C16orf90: variants seen among roughly 807,000 people sequenced by gnomAD.
C16orf90 encodes the protein uncharacterized protein C16orf90.
A neutral mutation model predicts 17.1 loss-of-function variants in C16orf90; 17 were observed. The ratio of observed to expected loss-of-function variants is 1.00; its 90% confidence interval spans 0.68 to 1.49. C16orf90 has a LOEUF of 1.49. C16orf90 is among the 40% of genes most tolerant of loss of function. C16orf90 has a pLI of 0.00. For synonymous variants in C16orf90, 108 were observed against 95.8 expected, an observed-to-expected ratio of 1.13 and a Z score of -0.75; for missense variants, 255 against 235.5, an observed-to-expected ratio of 1.08 and a Z score of -0.54.
chr16:3,495,936 C>T (rs1401782404), upstream of C16orf90, among the ~76,000 whole-genome samples: 2 of 152,018 alleles, frequency 1.3e-5, no homozygotes, highest in African/African-American at 2.4e-5. Flanking sequence ...GTCAGGAGAT[C>T]GAGACCATCC....
At chr16:3,495,790 G>T (rs1340688249), upstream of C16orf90, among the ~76,000 whole-genome samples, 1 of 152,178 alleles carries the variant, frequency 6.6e-6, no homozygotes, top group Non-Finnish European at 1.5e-5. Context: ...GACCTAGGAA[G>T]ACCTAGGTCG....
upstream of C16orf90, chr16:3,496,422 C>A: frequency 9.9e-7 from 1 of 1,010,406 alleles, no homozygotes; most frequent in Non-Finnish European, 1.5e-6. Context: ...ATGAAGCTTC[C>A]TGGCTGGGAA....
Position 3,494,706 on chromosome 16 carries a change from G to T in C16orf90, c.218C>A (p.Pro73Gln). ...GCTCTCACACTGGCCAGTGGGTGGC[G>T]GGTGGCTCTCCAGGTAGAGGCCCAG... ...RGLGLYLESH[P>Q]PPTGQCESHW... Residue 73 changes from proline (P) to glutamine (Q), a missense_variant, in exon 2 of 3, where the codon CCG (proline) becomes CAG (glutamine). Physicochemically the swap from Pro to Gln is moderately conservative, Grantham distance 76. Coordinates refer to ENST00000437192, the MANE Select transcript of C16orf90 (RefSeq NM_001080524.2). 1 of 1,609,236 alleles carries T rather than the reference G, an allele frequency of 6.2e-7. No homozygotes were observed. Among genetic ancestry groups the T allele is most frequent in the Non-Finnish European group, 8.5e-7 (1 of 1,178,876 alleles).
Position 3,494,520 on chromosome 16 carries a change from T to A in C16orf90, c.400+4A>T, listed in dbSNP as rs773595223. Reference sequence around the variant, plus strand: ...GTGCCCAGTCCTGCCTTGACAGAGCTCACCACTGCTTCCCAGGCTGTCCCT... The same window carrying A: ...GTGCCCAGTCCTGCCTTGACAGAGCACACCACTGCTTCCCAGGCTGTCCCT... On this transcript the variant is annotated splice_donor_region_variant and intron_variant, in intron 2 of 2. Transcript: ENST00000437192. 3.1e-6 allele frequency: 5 copies of A among 1,611,920 alleles called. No homozygotes were observed. The highest frequency in any genetic ancestry group is 1.6e-4 in the Middle Eastern group (1 of 6,082).
rs1428719733 is a variant in C16orf90 at position 3,494,768 on chromosome 16, G to T, written c.156C>A (p.Ser52Arg). 3.7e-6 allele frequency: 6 copies of T among 1,600,212 alleles called. No homozygotes were observed. The highest frequency in any genetic ancestry group is 5.1e-6 in the Non-Finnish European group (6 of 1,174,152). The change falls in exon 2 of 3, where the codon AGC becomes AGA. Residue 52 changes from serine (S) to arginine (R), a missense_variant. Ser to Arg is a moderately radical substitution (Grantham distance 110). Transcript: ENST00000437192. ...PQPQCPSAQG[S>R]KPKNFRLRHL... The stretch of plus-strand genomic sequence containing the variant: ...GGCGCAGCCGGAAGTTCTTGGGCTT[G>T]CTTCCCTGGGCACTGGGGCACTGCG...
At chr16:3,494,265 G>A (rs924918287) in intron 2 of C16orf90, among the ~76,000 whole-genome samples, 3 of 152,180 alleles carry the variant, frequency 2.0e-5, no homozygotes, top group Non-Finnish European at 4.4e-5. Context: ...CCCTCACCGA[G>A]TGTGGAGCTG....
In C16orf90 at chr16:3,494,690, C is replaced by T; in HGVS notation, c.234G>A (p.Gln78=). 6.2e-7 allele frequency: 1 copy of T among 1,610,992 alleles called. No individual in the cohort carries two copies. Among genetic ancestry groups the T allele is most frequent in the East Asian group, 2.2e-5 (1 of 44,856 alleles). ...GCCGGCCCAGCCAGTGGCTCTCACA[C>T]TGGCCAGTGGGTGGCGGGTGGCTCT... is the stretch of plus-strand genomic sequence containing the variant. ...YLESHPPPTG[Q]CESHWLGRLM... Residue 78 remains glutamine (Q), a synonymous_variant, in exon 2 of 3, where the codon CAG becomes CAA. Coordinates refer to ENST00000437192, the MANE Select transcript of C16orf90 (RefSeq NM_001080524.2).
chr16:3,496,442 G>C, upstream of C16orf90: 1 of 1,005,642 alleles, frequency 9.9e-7, no homozygotes, highest in South Asian at 1.2e-5. Context: ...AAACAAAACG[G>C]CCGTGGTTGT....
At chr16:3,495,005 T>C (rs2037287965) in intron 1 of C16orf90, 128 bp from the exon 2 acceptor site, 3 of 715,306 alleles carry the variant, frequency 4.2e-6, no homozygotes, top group Middle Eastern at 8.0e-4. Flanking sequence ...GGCCTCAGTT[T>C]ACCTGTGTGT....
chr16:3,494,875 CATCTGCAGAGG>C lies in C16orf90; in HGVS notation c.47-9_48del. 1 of 1,514,962 alleles carries C rather than the reference CATCTGCAGAGG, an allele frequency of 6.6e-7. No homozygotes were observed. Among genetic ancestry groups the C allele is most frequent in the Non-Finnish European group, 8.8e-7 (1 of 1,138,040 alleles). 93.8% of individuals were successfully genotyped at this position (1,514,962 alleles called of 1,614,324 possible). A position where few individuals can be genotyped will look rare whatever the true frequency, so the allele number is the denominator to read the frequency against. On this transcript the variant is annotated splice_acceptor_variant and splice_polypyrimidine_tract_variant and coding_sequence_variant and intron_variant, in exon 2 of 3. Coordinates refer to ENST00000437192, the MANE Select transcript of C16orf90 (RefSeq NM_001080524.2). LOFTEE classifies it high-confidence loss of function. ...GGGCGTCCTTGGGCCTGGCTCACTG[CATCTGCAGAGG>C]AGACAGCGGGAGGGTGGTGGCCAGC...
upstream of C16orf90, chr16:3,496,522 C>G (rs1164604391): frequency 1.7e-6 from 1 of 574,706 alleles, no homozygotes; most frequent in African/African-American, 1.9e-5. Flanking sequence ...CTGCCCGTGA[C>G]CAGCCGGCCC....
At chr16:3,494,982 C>A in intron 1 of C16orf90, 105 bp from the exon 2 acceptor site, 1 of 855,074 alleles carries the variant, frequency 1.2e-6, no homozygotes, top group Non-Finnish European at 1.8e-6. Context: ...TGGGCTACAC[C>A]CCCAGCCAAC....
chr16:3,495,492 G>C, upstream of C16orf90: 1 of 1,571,222 alleles, frequency 6.4e-7, no homozygotes, highest in Non-Finnish European at 8.6e-7. Flanking sequence ...CCCTGCCTAG[G>C]GGGTACATTG....
upstream of C16orf90, chr16:3,496,361 A>G (rs562119264): frequency 7.1e-5 from 84 of 1,183,564 alleles, no homozygotes; most frequent in African/African-American, 1.2e-3. Flanking sequence ...GAGGTTGTTT[A>G]TGAGTCGCAC....
At chr16:3,495,531 T>A, upstream of C16orf90, 1 of 1,530,432 alleles carries the variant, frequency 6.5e-7, no homozygotes, top group Non-Finnish European at 8.8e-7. Flanking sequence ...CTGGTTCTTA[T>A]GACATCACGG....
upstream of C16orf90, chr16:3,496,437 A>C: frequency 2.0e-6 from 2 of 1,015,532 alleles, no homozygotes; most frequent in Non-Finnish European, 2.9e-6. Flanking sequence ...TGGGAAAACA[A>C]AACGGCCGTG....
At chr16:3,495,641 G>A (rs1208323263), upstream of C16orf90, 2 of 566,842 alleles carry the variant, frequency 3.5e-6, no homozygotes, top group African/African-American at 2.0e-5. Context: ...CAGAACCCTG[G>A]GGGAAGTCCC....
Position 3,494,857 on chromosome 16 carries a change from C to T in C16orf90, c.67G>A (p.Gly23Arg), listed in dbSNP as rs1421584316. The change falls in exon 2 of 3, where the codon GGA becomes AGA. Residue 23 changes from glycine to arginine, a missense_variant. Physicochemically the swap from Gly to Arg is moderately radical, Grantham distance 125 (BLOSUM62 -2). Coordinates refer to ENST00000437192, the MANE Select transcript of C16orf90 (RefSeq NM_001080524.2). ...GGTGCGTCAGGGTGGCCGGGGCGTCCTTGGGCCTGGCTCACTGCATCTGCA... is the reference window on the plus strand; with the variant it reads ...GGTGCGTCAGGGTGGCCGGGGCGTCTTTGGGCCTGGCTCACTGCATCTGCA... Reference protein sequence around the residue: ...IREDAVSQAQGRPGHPDAPPN... With the variant: ...IREDAVSQAQRRPGHPDAPPN... The T allele has an allele frequency of 1.3e-6, 2 of 1,524,590 alleles. No homozygotes were observed. Among genetic ancestry groups the T allele is most frequent in the Non-Finnish European group, 1.8e-6 (2 of 1,142,138 alleles). The allele number at this position is 1,524,590 out of a possible 1,614,324, so 94.4% of individuals were successfully genotyped here.
In C16orf90 at chr16:3,493,880, A is replaced by G; in HGVS notation, c.508T>C (p.Leu170=). The G allele has an allele frequency of 6.2e-7, 1 of 1,607,808 alleles. No homozygotes were observed. ...GCCCCAGAGCGGGTTCTCTTGCACA[A>G]GGGACACATGGCCTCTTCCCAGGTC... is the stretch of plus-strand genomic sequence containing the variant. ...WGTWEEAMCP[L]CKRTRSGALE... Residue 170 remains leucine, a synonymous_variant, in exon 3 of 3, where the codon TTG becomes CTG. Transcript: ENST00000437192.
Sources: gnomAD v4.1 joint callset for allele counts (sites outside exome capture counted in the v4.1 genomes callset) on GRCh38, gnomAD v4.1.1 for gene constraint, MANE v1.5 for transcripts, NCBI Gene and HGNC (gene_info 2026-07-23, HGNC 2026-07-21) for gene names.